PTBP3: variants seen among roughly 807,000 people sequenced by gnomAD.
The protein encoded by PTBP3 is polypyrimidine tract-binding protein 3.
In PTBP3, 20 loss-of-function variants were observed where a neutral mutation model predicts 58.7. The ratio of observed to expected loss-of-function variants is 0.34; its 90% confidence interval spans 0.24 to 0.50. PTBP3 has a LOEUF of 0.50. PTBP3 is among the 20% of genes least tolerant of loss of function. The pLI, the probability that PTBP3 is intolerant of heterozygous loss-of-function variation, is 0.98. For missense variants in PTBP3, 509 were observed against 637.2 expected, an observed-to-expected ratio of 0.80 and a Z score of 2.17; for synonymous variants, 185 against 219.8, an observed-to-expected ratio of 0.84 and a Z score of 1.40.
intron 1 of PTBP3, among the ~76,000 whole-genome samples, chr9:112,300,042 G>T (rs1473893644): frequency 2.6e-5 from 4 of 152,188 alleles, no homozygotes; most frequent in African/African-American, 9.7e-5. Context: ...TCAGGGAAAT[G>T]CAAGTTAAAA....
the PTBP3 span, among the ~76,000 whole-genome samples, chr9:112,348,609 G>A: frequency 6.6e-6 from 1 of 152,222 alleles, no homozygotes; most frequent in African/African-American, 2.4e-5. Flanking sequence ...CCGCCCGGAA[G>A]CATCACAAGT....
chr9:112,236,246 G>A (rs1216355921), intron 7 of PTBP3, among the ~76,000 whole-genome samples: 2 of 152,058 alleles, frequency 1.3e-5, no homozygotes, highest in Non-Finnish European at 1.5e-5. Flanking sequence ...ACAGAGAATT[G>A]ACACTGAGAT....
chr9:112,262,149 C>G (rs1013796914), intron 5 of PTBP3, among the ~76,000 whole-genome samples: 1 of 151,978 alleles, frequency 6.6e-6, no homozygotes, highest in Non-Finnish European at 1.5e-5. Context: ...TAAGGAACAA[C>G]TACTACCTGG....
chr9:112,254,168 T>C (rs893704747), intron 5 of PTBP3, among the ~76,000 whole-genome samples: 10 of 152,118 alleles, frequency 6.6e-5, no homozygotes, highest in African/African-American at 2.4e-4. Flanking sequence ...TAAGGTTTTA[T>C]AGAGATGAGG....
At position 112,223,966 on chromosome 9, in the gene PTBP3, G is replaced by A. The variant is rs1365261499; in HGVS notation, c.1460C>T (p.Ala487Val). ...TTCCACAGATCCCAATTGAATGAGC[G>A]CCATTTTGCGATCTTTCCTGAAAAT... ...FKFFQKDRKM[A>V]LIQLGSVEEA... Residue 487 changes from alanine (A) to valine (V), a missense_variant, in exon 14 of 14, where the codon GCG becomes GTG. Ala to Val is a moderately conservative substitution (Grantham distance 64). This residue lies in a region of PTBP3 where 135 missense variants were observed against 229.0 expected (regional missense o/e 0.59). Transcript: ENST00000374257. 6.2e-7 allele frequency: 1 copy of A among 1,611,540 alleles called. No homozygotes were observed. Among genetic ancestry groups the A allele is most frequent in the Non-Finnish European group, 8.5e-7 (1 of 1,178,930 alleles).
chr9:112,313,863 A>T (rs1288653296), intron 1 of PTBP3, among the ~76,000 whole-genome samples: 1 of 152,232 alleles, frequency 6.6e-6, no homozygotes. Context: ...ATAGGAAAAA[A>T]ATACAGTCAG....
In PTBP3 at chr9:112,224,152, T is replaced by C. The variant is rs377412605; in HGVS notation, c.1423A>G (p.Lys475Glu). 3.9e-5 allele frequency: 61 copies of C among 1,580,378 alleles called. No homozygotes were observed. The highest frequency in any genetic ancestry group is 4.9e-5 in the Non-Finnish European group (57 of 1,168,040). Residue 475 changes from lysine (K) to glutamate (E), a missense_variant, in exon 13 of 14, where the codon AAG becomes GAG. By Grantham distance (56) the Lys-to-Glu change is moderately conservative (BLOSUM62 1). Transcript: ENST00000374257. ...NLFIEAGCSV[K>E]AFKFFQKDRK... The stretch of plus-strand genomic sequence containing the variant: ...ACTTACTGAAAGAATTTAAAAGCCT[T>C]CACTGAACATCCAGCTTCTATGAAA...
At chr9:112,228,854 T>C (rs530168428) in intron 10 of PTBP3, among the ~76,000 whole-genome samples, 14 of 152,314 alleles carry the variant, frequency 9.2e-5, no homozygotes, top group Admixed American at 5.9e-4. Flanking sequence ...CCAGCACCCA[T>C]TGATTCTATG....
At chr9:112,269,706 A>AT (rs1278331559) in intron 3 of PTBP3, among the ~76,000 whole-genome samples, 3 of 152,288 alleles carry the variant, frequency 2.0e-5, no homozygotes, top group Non-Finnish European at 4.4e-5. Flanking sequence ...ATTCCTGTTA[A>AT]TTGGACTGTA....
upstream of PTBP3, among the ~76,000 whole-genome samples, chr9:112,336,659 C>T (rs1169219589): frequency 6.6e-6 from 1 of 151,946 alleles, no homozygotes; most frequent in Non-Finnish European, 1.5e-5. Context: ...AGTTATGTCT[C>T]TCTTACCCTT....
chr9:112,235,002 C>A, intron 7 of PTBP3, 105 bp from the exon 8 acceptor site: 1 of 924,874 alleles, frequency 1.1e-6, no homozygotes, highest in South Asian at 1.7e-5. Context: ...CAAAGAGATT[C>A]TGTTACGGAG....
chr9:112,376,725 T>A, the PTBP3 span, among the ~76,000 whole-genome samples: 4 of 152,142 alleles, frequency 2.6e-5, no homozygotes, highest in Non-Finnish European at 1.5e-5. Context: ...GCCAGTCTCA[T>A]CTTTTCAGGT....
chr9:112,315,184 G>T (rs538123988), intron 1 of PTBP3, among the ~76,000 whole-genome samples: 1 of 151,888 alleles, frequency 6.6e-6, no homozygotes, highest in Admixed American at 6.6e-5. Context: ...ACACATTCAA[G>T]TGTACACAGA....
chr9:112,279,821 G>C (rs1358078863), intron 2 of PTBP3, among the ~76,000 whole-genome samples: 3 of 152,082 alleles, frequency 2.0e-5, no homozygotes, highest in African/African-American at 7.2e-5. Flanking sequence ...ATTTCTCTCA[G>C]TAAAGTTCTG....
chr9:112,379,857 A>T, the PTBP3 span: 1 of 517,606 alleles, frequency 1.9e-6, no homozygotes, highest in Non-Finnish European at 3.4e-6. Flanking sequence ...CGCCGACAGG[A>T]GCCTGATTGT....
chr9:112,280,200 G>A (rs1442984632), intron 2 of PTBP3, among the ~76,000 whole-genome samples: 3 of 152,044 alleles, frequency 2.0e-5, no homozygotes, highest in Non-Finnish European at 4.4e-5. Flanking sequence ...GATTATAGGT[G>A]CACACCACCA....
At position 112,222,919 on chromosome 9, in the gene PTBP3, T is replaced by A. The variant is rs946033120; in HGVS notation, c.*932A>T. 9 of 876,092 alleles carry A rather than the reference T, an allele frequency of 1.0e-5. No homozygotes were observed. Among genetic ancestry groups the A allele is most frequent in the Admixed American group, 1.2e-4 (2 of 16,074 alleles). 54.3% of individuals were successfully genotyped at this position (876,092 alleles called of 1,614,324 possible). ...AGAAGACCTTACCAAAAATAACTTT[T>A]AAAAAATCTGTCAAACCATATGATA... On this transcript the variant is annotated 3_prime_UTR_variant, in exon 14 of 14. Coordinates refer to ENST00000374257, the MANE Select transcript of PTBP3 (RefSeq NM_001163788.4).
chr9:112,239,566 T>C (rs903676443), intron 7 of PTBP3, among the ~76,000 whole-genome samples: 1 of 151,606 alleles, frequency 6.6e-6, no homozygotes, highest in Non-Finnish European at 1.5e-5. Flanking sequence ...CCCGCCTCTC[T>C]ATAAAAACTT....
chr9:112,276,086 C>T, intron 2 of PTBP3, 73 bp from the exon 3 acceptor site: 1 of 1,372,292 alleles, frequency 7.3e-7, no homozygotes, highest in Non-Finnish European at 1.0e-6. Context: ...ATCATATTGT[C>T]ACATTTAATC....
Sources: allele counts gnomAD v4.1 joint callset (sites outside exome capture counted in the v4.1 genomes callset), GRCh38; gene constraint gnomAD v4.1.1; regional missense constraint gnomAD v4.1.1; transcripts MANE v1.5; gene names NCBI Gene and HGNC (gene_info 2026-07-23, HGNC 2026-07-21).